Variants in DPP10 observed in about 807,000 individuals in gnomAD.
DPP10 encodes the protein dipeptidyl peptidase like 10, also known as inactive dipeptidyl peptidase 10.
In DPP10, 33 loss-of-function variants were observed where a neutral mutation model predicts 120.9. That is an observed-to-expected ratio of 0.27 (90% CI 0.21 to 0.37). DPP10 has a LOEUF of 0.37. Ranked by LOEUF, DPP10 falls within the 10% of genes least tolerant of loss-of-function variation. DPP10 has a pLI of 1.00. For synonymous variants in DPP10, 337 were observed against 326.1 expected, an observed-to-expected ratio of 1.03 and a Z score of -0.36; for missense variants, 816 against 942.8, an observed-to-expected ratio of 0.87 and a Z score of 1.76.
chr2:114,674,085 T>C (rs1396611501), intron 1 of DPP10, among the ~76,000 whole-genome samples: 1 of 152,072 alleles, frequency 6.6e-6, no homozygotes, highest in African/African-American at 2.4e-5. Flanking sequence ...ATGAGATATA[T>C]TGGAAAATTT....
chr2:114,529,381 C>T (rs1221682258), intron 1 of DPP10, among the ~76,000 whole-genome samples: 1 of 152,114 alleles, frequency 6.6e-6, no homozygotes, highest in African/African-American at 2.4e-5. Flanking sequence ...GTAAATTTGA[C>T]CATCACTTTT....
chr2:115,504,415 C>G (rs1240273719), intron 4 of DPP10, among the ~76,000 whole-genome samples: 1 of 151,392 alleles, frequency 6.6e-6, no homozygotes, highest in East Asian at 1.9e-4. Context: ...ATTTCATCAT[C>G]TTTTGCTTGG....
intron 5 of DPP10, 149 bp from the exon 6 acceptor site, chr2:115,689,538 G>A (rs1270396490): frequency 6.6e-6 from 4 of 609,758 alleles, no homozygotes; most frequent in African/African-American, 1.9e-5. Flanking sequence ...GGCACAGAGA[G>A]GGTGATAAAC....
At chr2:115,648,906 T>C (rs976757138) in intron 5 of DPP10, among the ~76,000 whole-genome samples, 50 of 152,038 alleles carry the variant, frequency 3.3e-4, no homozygotes, top group African/African-American at 1.1e-3. Flanking sequence ...CAAGACTTAA[T>C]AGATTAATGG....
rs116606823 is a variant in DPP10, at chr2:115,217,352, T to C, written c.61-91887T>C. Among the ~76,000 whole-genome samples, 228 of 152,146 alleles carry C rather than the reference T, an allele frequency of 1.5e-3. 2 individuals are homozygous for C. The highest frequency in any genetic ancestry group is 5.3e-3 in the African/African-American group (219 of 41,532). On this transcript the variant is annotated intron_variant, in intron 1 of 25. Coordinates refer to ENST00000410059, the MANE Select transcript of DPP10 (RefSeq NM_020868.6). ...TCATACATGGTAAACACCTAAAGAG[T>C]GCTCGCCACATAAGGCTCATTCAAT...
At chr2:115,479,587 A>G (rs2075303168) in intron 3 of DPP10, among the ~76,000 whole-genome samples, 1 of 152,130 alleles carries the variant, frequency 6.6e-6, no homozygotes, top group African/African-American at 2.4e-5. Context: ...TGTGCAATTT[A>G]CTATAATTAA....
At chr2:114,721,645 T>A (rs574224107) in intron 1 of DPP10, among the ~76,000 whole-genome samples, 1 of 152,352 alleles carries the variant, frequency 6.6e-6, no homozygotes, top group African/African-American at 2.4e-5. Flanking sequence ...CAAAAGTGCC[T>A]GCTGATAGTC....
intron 1 of DPP10, among the ~76,000 whole-genome samples, chr2:114,865,225 A>G (rs948409905): frequency 2.0e-5 from 3 of 152,210 alleles, no homozygotes; most frequent in African/African-American, 7.2e-5. Context: ...GGATCTCAGA[A>G]GTAGGGTGAG....
At chr2:115,578,879 C>T (rs2081848678) in intron 5 of DPP10, among the ~76,000 whole-genome samples, 1 of 152,144 alleles carries the variant, frequency 6.6e-6, no homozygotes, top group Non-Finnish European at 1.5e-5. Flanking sequence ...TAAGAATTAT[C>T]TGGAGAGCTT....
At chr2:114,636,372 G>A (rs1010187782) in intron 1 of DPP10, among the ~76,000 whole-genome samples, 2 of 151,954 alleles carry the variant, frequency 1.3e-5, no homozygotes, top group African/African-American at 2.4e-5. Flanking sequence ...TCTCCTGCCT[G>A]CAGGCGAGTG....
At chr2:114,904,038 T>C (rs1298853085) in intron 1 of DPP10, among the ~76,000 whole-genome samples, 1 of 152,222 alleles carries the variant, frequency 6.6e-6, no homozygotes, top group Non-Finnish European at 1.5e-5. Context: ...AGTGAAATAC[T>C]GCTACAACAA....
intron 13 of DPP10, among the ~76,000 whole-genome samples, chr2:115,772,828 A>T (rs1327686059): frequency 6.6e-6 from 1 of 152,160 alleles, no homozygotes; most frequent in Non-Finnish European, 1.5e-5. Flanking sequence ...AAGATGGAGT[A>T]AGCAGAATTT....
At chr2:114,874,125 T>C (rs1308042288) in intron 1 of DPP10, among the ~76,000 whole-genome samples, 2 of 152,154 alleles carry the variant, frequency 1.3e-5, no homozygotes, top group Non-Finnish European at 2.9e-5. Context: ...AGCCAGAGGC[T>C]TCTTTCTCCC....
In DPP10 at chr2:115,128,162, T is replaced by G. The variant is rs1365289142; in HGVS notation, c.61-181077T>G. On this transcript the variant is annotated intron_variant, in intron 1 of 25. Transcript: ENST00000410059. ...TATAATCAGCCTTCCCAAATTGATT[T>G]TTACTCAATCAAAACCCTCCTCTCC... Among the ~76,000 whole-genome samples, 3 of 152,148 alleles carry G rather than the reference T, an allele frequency of 2.0e-5. No individual in the cohort carries two copies. The East Asian group carries it at 5.8e-4, about 29-fold the overall frequency.
chr2:114,627,211 A>C (rs1262154365), intron 1 of DPP10, among the ~76,000 whole-genome samples: 1 of 152,236 alleles, frequency 6.6e-6, no homozygotes, highest in Non-Finnish European at 1.5e-5. Context: ...AAGAGCAAAA[A>C]TAGTAAATAT....
At chr2:115,016,067 G>C (rs565329652) in intron 1 of DPP10, among the ~76,000 whole-genome samples, 1 of 152,104 alleles carries the variant, frequency 6.6e-6, no homozygotes, top group Non-Finnish European at 1.5e-5. Context: ...AAAGAACAAG[G>C]CTGGAAGCAT....
chr2:115,664,736 A>G (rs1408284954), intron 5 of DPP10, among the ~76,000 whole-genome samples: 1 of 152,168 alleles, frequency 6.6e-6, no homozygotes, highest in East Asian at 1.9e-4. Context: ...ATGCAGGACC[A>G]AGGATGTCAA....
chr2:115,828,094 G>T (rs1028625706), intron 21 of DPP10, among the ~76,000 whole-genome samples: 2 of 151,700 alleles, frequency 1.3e-5, no homozygotes, highest in African/African-American at 4.8e-5. Context: ...TATTCTTCCA[G>T]CTCTAATGTG....
intron 1 of DPP10, among the ~76,000 whole-genome samples, chr2:115,287,600 C>T (rs1042048641): frequency 1.3e-5 from 2 of 152,090 alleles, no homozygotes; most frequent in African/African-American, 2.4e-5. Flanking sequence ...CAGTTCTACT[C>T]AAGTTGCGGC....
Sources: gnomAD v4.1 joint callset for allele counts (sites outside exome capture counted in the v4.1 genomes callset) on GRCh38, gnomAD v4.1.1 for gene constraint, MANE v1.5 for transcripts, NCBI Gene and HGNC (gene_info 2026-07-23, HGNC 2026-07-21) for gene names.